Variants in ADAMTSL1 observed in about 807,000 individuals in gnomAD.
The protein encoded by ADAMTSL1 is ADAMTS like 1, also known as ADAMTS-like protein 1.
In ADAMTSL1, 126 loss-of-function variants were observed where a neutral mutation model predicts 201.8. The ratio of observed to expected loss-of-function variants is 0.62; its 90% CI spans 0.54 to 0.72. The LOEUF is 0.72. ADAMTSL1 is among the 30% of genes least tolerant of loss of function. ADAMTSL1 has a pLI of 0.00. For missense variants in ADAMTSL1, 2,679 were observed against 2,277.8 expected, an observed-to-expected ratio of 1.18 and a Z score of -3.59; for synonymous variants, 1,121 against 903.4, an observed-to-expected ratio of 1.24 and a Z score of -4.32.
At chr9:18,816,975 C>G in intron 20 of ADAMTSL1, 134 bp from the exon 21 acceptor site, 1 of 1,181,902 alleles carries the variant, frequency 8.5e-7, no homozygotes, top group Non-Finnish European at 1.2e-6. Context: ...TGCAATTTTT[C>G]AAGAGAAAAC....
intron 2 of ADAMTSL1, among the ~76,000 whole-genome samples, chr9:18,401,089 C>A (rs1193178163): frequency 2.0e-5 from 3 of 152,088 alleles, no homozygotes; most frequent in African/African-American, 7.2e-5. Flanking sequence ...GGCCATTAAC[C>A]AACTGTGGTT....
intron 2 of ADAMTSL1, among the ~76,000 whole-genome samples, chr9:18,273,630 A>G (rs1435215427): frequency 2.6e-5 from 4 of 152,162 alleles, no homozygotes; most frequent in African/African-American, 9.7e-5. Flanking sequence ...TTCTTATTCT[A>G]CCACTGAGAG....
chr9:18,450,145 G>A (rs1441722602), intron 2 of ADAMTSL1, among the ~76,000 whole-genome samples: 1 of 152,036 alleles, frequency 6.6e-6, no homozygotes, highest in Non-Finnish European at 1.5e-5. Context: ...TAGTAAATAG[G>A]TAACGAAATT....
At chr9:18,499,622 A>G (rs1822727012) in intron 1 of ADAMTSL1, among the ~76,000 whole-genome samples, 1 of 152,232 alleles carries the variant, frequency 6.6e-6, no homozygotes, top group African/African-American at 2.4e-5. Context: ...GAAGTGTGTG[A>G]CATCCATTTG....
At chr9:18,906,530 T>C (rs891710998) in intron 27 of ADAMTSL1, among the ~76,000 whole-genome samples, 162 bp from the exon 28 acceptor site, 1 of 152,210 alleles carries the variant, frequency 6.6e-6, no homozygotes, top group Admixed American at 6.5e-5. Flanking sequence ...TGAGATCATA[T>C]GGCCTTTTAG....
intron 1 of ADAMTSL1, among the ~76,000 whole-genome samples, chr9:17,990,209 C>T (rs555769181): frequency 6.6e-6 from 1 of 152,098 alleles, no homozygotes; most frequent in African/African-American, 2.4e-5. Flanking sequence ...ATGTTATCTT[C>T]CGTCATATGT....
chr9:18,192,856 G>A (rs1014628928), intron 2 of ADAMTSL1, among the ~76,000 whole-genome samples: 1 of 152,112 alleles, frequency 6.6e-6, no homozygotes, highest in Non-Finnish European at 1.5e-5. Context: ...TATGCAATAT[G>A]CATTTATTGA....
At chr9:18,547,631 TATAAAA>T (rs1479876654) in intron 3 of ADAMTSL1, among the ~76,000 whole-genome samples, 1 of 83,292 alleles carries the variant, frequency 1.2e-5, no homozygotes, top group African/African-American at 4.8e-5. Context: ...TGTATATATA[TATAAAA>T]AAAAAAAAAA....
At chr9:18,068,711 A>G (rs942042188) in intron 1 of ADAMTSL1, among the ~76,000 whole-genome samples, 3 of 152,192 alleles carry the variant, frequency 2.0e-5, no homozygotes, top group African/African-American at 7.2e-5. Context: ...AAATTTTAAT[A>G]TATTTAACAA....
intron 23 of ADAMTSL1, among the ~76,000 whole-genome samples, chr9:18,867,971 A>G (rs768860326): frequency 3.4e-4 from 51 of 152,210 alleles, no homozygotes; most frequent in African/African-American, 1.1e-3. Flanking sequence ...ACACACACCC[A>G]TGTATTCACC....
At chr9:18,522,859 G>C (rs1012010877) in intron 2 of ADAMTSL1, among the ~76,000 whole-genome samples, 1 of 152,058 alleles carries the variant, frequency 6.6e-6, no homozygotes, top group Non-Finnish European at 1.5e-5. Flanking sequence ...ATTAGGTTTG[G>C]TTCCAAGTCT....
chr9:18,463,726 T>C (rs1820894054), intron 2 of ADAMTSL1, among the ~76,000 whole-genome samples: 1 of 152,250 alleles, frequency 6.6e-6, no homozygotes. Flanking sequence ...TATGTATATA[T>C]GGAACATTTT....
intron 5 of ADAMTSL1, among the ~76,000 whole-genome samples, chr9:18,626,880 TTCCTTCCTTCCTTCCTTC>T (rs1826411408): frequency 6.8e-6 from 1 of 147,626 alleles, no homozygotes; most frequent in Non-Finnish European, 1.5e-5. Flanking sequence ...TCTTTCTTCC[TTCCTTCCTTCCTTCCTTC>T]CTTTCTTTCT....
intron 14 of ADAMTSL1, among the ~76,000 whole-genome samples, chr9:18,712,289 C>G (rs1015248467): frequency 2.6e-5 from 4 of 152,162 alleles, no homozygotes; most frequent in Admixed American, 2.6e-4. Flanking sequence ...TTCAGACAAT[C>G]AAATTACTCC....
chr9:18,783,876 C>G (rs573854854), intron 19 of ADAMTSL1, among the ~76,000 whole-genome samples: 51 of 152,232 alleles, frequency 3.4e-4, no homozygotes, highest in Non-Finnish European at 4.6e-4. Flanking sequence ...TTACTGCCTC[C>G]TGCTCTAGAC....
intron 1 of ADAMTSL1, among the ~76,000 whole-genome samples, chr9:17,973,130 T>C (rs1277186066): frequency 6.7e-6 from 1 of 149,878 alleles, no homozygotes; most frequent in East Asian, 2.0e-4. Flanking sequence ...TTCACTCTGA[T>C]GGTATTTTCT....
intron 4 of ADAMTSL1, among the ~76,000 whole-genome samples, chr9:18,616,286 A>G (rs1404923470): frequency 3.3e-5 from 5 of 152,170 alleles, no homozygotes; most frequent in Non-Finnish European, 1.5e-5. Context: ...TGGCCTCCCA[A>G]AGTGTTGGGA....
At chr9:18,545,381 T>C (rs1253300471) in intron 3 of ADAMTSL1, among the ~76,000 whole-genome samples, 1 of 152,124 alleles carries the variant, frequency 6.6e-6, no homozygotes, top group Non-Finnish European at 1.5e-5. Flanking sequence ...ATATGGGTGA[T>C]CTGGACTAAT....
intron 1 of ADAMTSL1, among the ~76,000 whole-genome samples, chr9:18,081,362 C>T (rs777384576): frequency 1.5e-4 from 22 of 151,076 alleles, no homozygotes; most frequent in Non-Finnish European, 3.0e-4. Context: ...GCTTGTAACA[C>T]GAATAATTCT....
Sources: allele counts gnomAD v4.1 joint callset (sites outside exome capture counted in the v4.1 genomes callset), GRCh38; gene constraint gnomAD v4.1.1; transcripts MANE v1.5; gene names NCBI Gene and HGNC (gene_info 2026-07-23, HGNC 2026-07-21).